The following BSDC1 variants were observed in gnomAD, a reference collection of about 807,000 sequenced individuals.
BSDC1 encodes BSD domain containing 1.
Under a neutral mutation model 56.0 loss-of-function variants are expected in BSDC1, and 29 were observed. The ratio of observed to expected loss-of-function variants is 0.52; its 90% CI spans 0.39 to 0.71. The LOEUF is 0.71. Ranked by LOEUF, BSDC1 falls within the 30% of genes least tolerant of loss-of-function variation. BSDC1 has a pLI of 0.00. For missense variants in BSDC1, 477 were observed against 548.5 expected, an observed-to-expected ratio of 0.87 and a Z score of 1.30; for synonymous variants, 210 against 215.3, an observed-to-expected ratio of 0.98 and a Z score of 0.21.
intron 9 of BSDC1, among the ~76,000 whole-genome samples, chr1:32,373,075 G>C (rs550718353): frequency 7.4e-4 from 112 of 152,318 alleles, no homozygotes; most frequent in Non-Finnish European, 1.4e-3. Flanking sequence ...GCTATACCCA[G>C]AGACCAAGCC....
intron 2 of BSDC1, among the ~76,000 whole-genome samples, chr1:32,387,317 A>G (rs1642706215): frequency 1.3e-5 from 2 of 152,272 alleles, no homozygotes; most frequent in South Asian, 4.1e-4. Context: ...CAAGTTTCAA[A>G]TAACATGAAA....
intron 2 of BSDC1, among the ~76,000 whole-genome samples, chr1:32,391,574 G>A (rs1408436808): frequency 1.3e-5 from 2 of 152,198 alleles, no homozygotes; most frequent in East Asian, 3.8e-4. Context: ...AGTATGTAGA[G>A]CAATGATATG....
intron 9 of BSDC1, among the ~76,000 whole-genome samples, chr1:32,368,889 G>A (rs879777394): frequency 3.3e-5 from 5 of 152,016 alleles, no homozygotes; most frequent in Admixed American, 2.0e-4. Flanking sequence ...TAGTAGAGAC[G>A]GGGTTTCACC....
rs1194146254 is a variant in BSDC1 at position 32,366,195 on chromosome 1, T to G, written c.*427A>C. The G allele has an allele frequency of 4.0e-6, 1 of 249,684 alleles. No individual in the cohort carries two copies. The highest frequency in any genetic ancestry group is 8.1e-6 in the Non-Finnish European group (1 of 124,084). The allele number at this position is 249,684 out of a possible 1,614,324, so 15.5% of individuals were successfully genotyped here. A position where few individuals can be genotyped will look rare whatever the true frequency, so the allele number is the denominator to read the frequency against. ...CAAGGGTAGGTGGCATGGCCCTCCCTGCCTGCTTATGTATGGACAGAGTAT... is the reference window on the plus strand; with the variant it reads ...CAAGGGTAGGTGGCATGGCCCTCCCGGCCTGCTTATGTATGGACAGAGTAT... On this transcript the variant is annotated 3_prime_UTR_variant, in exon 11 of 11. Transcript: ENST00000455895.
At position 32,382,329 on chromosome 1, in the gene BSDC1, C is replaced by T. The variant is rs541452463; in HGVS notation, c.358-1061G>A. ...TCTACAAGCATAAAAATTAGCTGAG[C>T]GTGGTGATGTGTGCCTATAGTCCCA... On this transcript the variant is annotated intron_variant, in intron 4 of 10. Coordinates refer to ENST00000455895, the MANE Select transcript of BSDC1 (RefSeq NM_018045.8). Among the ~76,000 whole-genome samples the T allele has an allele frequency of 1.7e-3, 258 of 151,320 alleles. 1 individual carries two copies. The highest frequency in any genetic ancestry group is 6.0e-3 in the African/African-American group (246 of 41,202).
At chr1:32,377,886 T>C in intron 8 of BSDC1, 84 bp downstream of exon 8, 1 of 1,338,678 alleles carries the variant, frequency 7.5e-7, no homozygotes, top group South Asian at 1.4e-5. Flanking sequence ...GCACCAAGTC[T>C]CTCCAGGCTT....
chr1:32,393,383 A>G (rs1642933280), intron 2 of BSDC1, among the ~76,000 whole-genome samples: 1 of 152,144 alleles, frequency 6.6e-6, no homozygotes, highest in African/African-American at 2.4e-5. Flanking sequence ...CTCATCAGGC[A>G]CCAGTGTGTA....
chr1:32,376,326 G>T lies in BSDC1; in HGVS notation c.1092C>A (p.Asp364Glu). ...CCGAGTTCAGCTCAAACACCCGTAA[G>T]TCTGTGGGCGCCTCCTCCCTCAGAG... Reference protein sequence around the residue: ...VETLREEAPTDLRVFELNSDS... With the variant: ...VETLREEAPTELRVFELNSDS... Residue 364 changes from aspartate (D) to glutamate (E), a missense_variant, in exon 9 of 11, where the codon GAC (aspartate) becomes GAA (glutamate). Coordinates refer to ENST00000455895, the MANE Select transcript of BSDC1 (RefSeq NM_018045.8). 6.2e-7 allele frequency: 1 copy of T among 1,604,250 alleles called. No homozygotes were observed. The highest frequency in any genetic ancestry group is 8.5e-7 in the Non-Finnish European group (1 of 1,173,300).
At chr1:32,390,684 G>A (rs1453906185) in intron 2 of BSDC1, among the ~76,000 whole-genome samples, 1 of 152,152 alleles carries the variant, frequency 6.6e-6, no homozygotes, top group African/African-American at 2.4e-5. Flanking sequence ...ACCAAGGTGG[G>A]CAGACTGCTT....
chr1:32,369,800 CTT>C (rs774494423), intron 9 of BSDC1, among the ~76,000 whole-genome samples: 1 of 152,004 alleles, frequency 6.6e-6, no homozygotes, highest in Non-Finnish European at 1.5e-5. Context: ...TCTAGTTGTT[CTT>C]TTTTTTCTGA....
Position 32,381,361 on chromosome 1 carries a change from C to G in BSDC1, c.358-93G>C, listed in dbSNP as rs1238872281. ...GCCAGGATACTCAGTCAACCACAAT[C>G]CAGCTTCTCCCTTGTTGGCTGGGAT... On this transcript the variant is annotated intron_variant, in intron 4 of 10. Coordinates refer to ENST00000455895, the MANE Select transcript of BSDC1 (RefSeq NM_018045.8). 3.2e-6 allele frequency: 4 copies of G among 1,243,988 alleles called. No homozygotes were observed. The African/African-American group carries it at 5.9e-5, about 18-fold the overall frequency. 77.1% of individuals were successfully genotyped at this position (1,243,988 alleles called of 1,614,324 possible).
At chr1:32,368,053 ACAG>A in intron 10 of BSDC1, 1 of 1,199,758 alleles carries the variant, frequency 8.3e-7, no homozygotes, top group Non-Finnish European at 1.0e-6. Context: ...TTTTTCAAAA[ACAG>A]AAATGGGGTC....
chr1:32,382,632 A>G (rs1423005813), intron 4 of BSDC1, among the ~76,000 whole-genome samples: 1 of 149,156 alleles, frequency 6.7e-6, no homozygotes, highest in Non-Finnish European at 1.5e-5. Flanking sequence ...GGGCTGAGGT[A>G]GGAGGATCAC....
At chr1:32,373,624 G>C (rs1642175838) in intron 9 of BSDC1, among the ~76,000 whole-genome samples, 1 of 152,036 alleles carries the variant, frequency 6.6e-6, no homozygotes, top group Non-Finnish European at 1.5e-5. Flanking sequence ...CCACTCAGGT[G>C]ATCCTCCCAC....
intron 8 of BSDC1, 43 bp from the exon 9 acceptor site, chr1:32,376,784 G>C: frequency 7.5e-7 from 1 of 1,330,866 alleles, no homozygotes; most frequent in Non-Finnish European, 9.7e-7. Flanking sequence ...AATGTAACCT[G>C]GCCAGCCATA....
intron 10 of BSDC1, chr1:32,367,669 A>C: frequency 1.0e-6 from 1 of 985,710 alleles, no homozygotes; most frequent in Non-Finnish European, 1.2e-6. Flanking sequence ...CTCTCAATCT[A>C]AATGAGCCAC....
In BSDC1 at chr1:32,365,751, T is replaced by C. The variant is rs1349270632; in HGVS notation, c.*871A>G. On this transcript the variant is annotated 3_prime_UTR_variant, in exon 11 of 11. Coordinates refer to ENST00000455895, the MANE Select transcript of BSDC1 (RefSeq NM_018045.8). ...GTAAGTACTCGGCTTTGATCACCGC[T>C]CTGTACCGCTGGTAGCTGTTTTGTG... 1 of 152,672 alleles carries C rather than the reference T, an allele frequency of 6.5e-6. No homozygotes were observed. Among genetic ancestry groups the C allele is most frequent in the African/African-American group, 2.4e-5 (1 of 41,444 alleles). The allele number at this position is 152,672 out of a possible 1,614,324, so 9.5% of individuals were successfully genotyped here. A position where few individuals can be genotyped will look rare whatever the true frequency, so the allele number is the denominator to read the frequency against.
At position 32,378,697 on chromosome 1, in the gene BSDC1, C is replaced by A; in HGVS notation, c.528+27G>T. 1 of 1,405,046 alleles carries A rather than the reference C, an allele frequency of 7.1e-7. No individual in the cohort carries two copies. The highest frequency in any genetic ancestry group is 1.5e-5 in the South Asian group (1 of 66,352). 87.0% of individuals were successfully genotyped at this position (1,405,046 alleles called of 1,614,324 possible). A position where few individuals can be genotyped will look rare whatever the true frequency, so the allele number is the denominator to read the frequency against. On this transcript the variant is annotated intron_variant, in intron 6 of 10. Coordinates refer to ENST00000455895, the MANE Select transcript of BSDC1 (RefSeq NM_018045.8). The surrounding 1 kb of genome is among the most constrained non-coding windows in gnomAD (Gnocchi z 5.2). ...CCCAACACCTCAAGCCTGGAGCTGG[C>A]TGAGGCCCTGCAGGCTGGGCCCTCA...
intron 4 of BSDC1, among the ~76,000 whole-genome samples, chr1:32,383,263 T>C (rs1642549730): frequency 6.6e-6 from 1 of 152,036 alleles, no homozygotes; most frequent in Non-Finnish European, 1.5e-5. Flanking sequence ...GGCAACACAG[T>C]GAGACCCCGT....
Sources: allele counts gnomAD v4.1 joint callset (sites outside exome capture counted in the v4.1 genomes callset), GRCh38; gene constraint gnomAD v4.1.1; non-coding constraint Gnocchi (gnomAD v3.1); transcripts MANE v1.5; gene names NCBI Gene and HGNC (gene_info 2026-07-23, HGNC 2026-07-21).